KLHL13: variants seen among roughly 807,000 people sequenced by gnomAD.
The protein encoded by KLHL13 is kelch like family member 13, also known as kelch-like protein 13.
In KLHL13, 10 loss-of-function variants were observed where a neutral mutation model predicts 37.1. The observed-to-expected ratio is 0.27, with a 90% CI of 0.17 to 0.46. The LOEUF is 0.46. KLHL13 is among the 20% of genes least tolerant of loss of function. KLHL13 has a pLI of 1.00. For missense variants in KLHL13, 360 were observed against 509.3 expected, an observed-to-expected ratio of 0.71 and a Z score of 2.82; for synonymous variants, 163 against 181.2, an observed-to-expected ratio of 0.90 and a Z score of 0.81.
intron 2 of KLHL13, among the ~76,000 whole-genome samples, chrX:117,933,139 A>G (rs1932551159): frequency 9.0e-6 from 1 of 111,005 alleles, no homozygotes; most frequent in African/African-American, 3.3e-5. Flanking sequence ...ATAGTTTGCA[A>G]GTACTTTCTC....
intron 1 of KLHL13, among the ~76,000 whole-genome samples, chrX:117,984,243 C>T (rs141103375): frequency 0.061 from 6,767 of 111,180 alleles, 497 homozygotes; most frequent in African/African-American, 0.21. Flanking sequence ...AAATAGAGAC[C>T]ACTACAGAAG....
chrX:117,938,637 A>C (rs1277782112), intron 2 of KLHL13, among the ~76,000 whole-genome samples: 1 of 111,965 alleles, frequency 8.9e-6, no homozygotes, highest in Non-Finnish European at 1.9e-5. Flanking sequence ...AATTTTAAAA[A>C]TTAGCAGGAC....
At chrX:118,070,732 T>C (rs2054850469) in intron 1 of KLHL13, among the ~76,000 whole-genome samples, 1 of 105,719 alleles carries the variant, frequency 9.5e-6, no homozygotes, top group African/African-American at 3.7e-5. Flanking sequence ...TTCTTTTTTT[T>C]AATTTTTAAA....
At chrX:117,950,544 A>G (rs767131565) in intron 1 of KLHL13, among the ~76,000 whole-genome samples, 3 of 112,247 alleles carry the variant, frequency 2.7e-5, no homozygotes, top group African/African-American at 9.7e-5. Flanking sequence ...AGTTCCCCAG[A>G]TTAATAATAT....
At chrX:118,110,086 A>C (rs143475343) in intron 1 of KLHL13, among the ~76,000 whole-genome samples, 3,189 of 111,576 alleles carry the variant, frequency 0.029, 112 homozygotes, top group African/African-American at 0.097. Context: ...TTTAGTTAGA[A>C]AGGAAAAGGC....
At chrX:117,993,409 C>T (rs1331807659) in intron 1 of KLHL13, among the ~76,000 whole-genome samples, 1 of 111,990 alleles carries the variant, frequency 8.9e-6, no homozygotes, top group Non-Finnish European at 1.9e-5. Flanking sequence ...AAATGCTTAC[C>T]ACATTTAATC....
At chrX:117,988,224 G>C (rs748503668) in intron 1 of KLHL13, among the ~76,000 whole-genome samples, 1 of 112,047 alleles carries the variant, frequency 8.9e-6, no homozygotes, top group Non-Finnish European at 1.9e-5. Context: ...AAGGCAGAAA[G>C]GGAGGAGGGG....
rs748752208 is a variant in KLHL13, at chrX:117,962,982, C to T, written c.98+9749G>A. ...TAATAGAGGAAAATAAATTGTATTA[C>T]ATTTAACTATGCTAAACTAGGACAT... is the stretch of plus-strand genomic sequence containing the variant. On this transcript the variant is annotated intron_variant, in intron 1 of 6. Coordinates refer to ENST00000262820, the Ensembl canonical transcript of KLHL13. Among the ~76,000 whole-genome samples the T allele has an allele frequency of 5.9e-4, 66 of 112,166 alleles. No homozygotes were observed. In the Admixed American group the frequency reaches 6.1e-3, roughly 10 times the overall value.
chrX:118,036,200 A>T (rs1273480932), intron 1 of KLHL13, among the ~76,000 whole-genome samples: 2 of 106,474 alleles, frequency 1.9e-5, no homozygotes, highest in African/African-American at 7.0e-5. Flanking sequence ...TGCCATCCCC[A>T]TCAAGCTACC....
At chrX:118,025,312 A>G (rs1199792329) in intron 1 of KLHL13, among the ~76,000 whole-genome samples, 3 of 111,901 alleles carry the variant, frequency 2.7e-5, no homozygotes, top group Admixed American at 1.9e-4. Flanking sequence ...TATCAAATAG[A>G]AAACTCCAGG....
At chrX:118,031,150 G>T (rs2054334179) in intron 1 of KLHL13, among the ~76,000 whole-genome samples, 1 of 110,434 alleles carries the variant, frequency 9.1e-6, no homozygotes, top group African/African-American at 3.3e-5. Flanking sequence ...GTACCTCCAA[G>T]TCTTAAAATA....
intron 2 of KLHL13, among the ~76,000 whole-genome samples, chrX:117,921,723 T>C (rs1055832630): frequency 8.9e-6 from 1 of 112,416 alleles, no homozygotes; most frequent in East Asian, 2.8e-4. Context: ...AAAATATTGA[T>C]CCTACACATA....
Position 117,923,124 on chromosome X carries a change from A to G in KLHL13, c.241-2754T>C, listed in dbSNP as rs139743224. 9.2e-3 allele frequency among the ~76,000 whole-genome samples: 1,031 copies of G among 112,050 alleles called. 17 individuals are homozygous for G. Among genetic ancestry groups the G allele is most frequent in the African/African-American group, 0.031 (956 of 30,859 alleles). On this transcript the variant is annotated intron_variant, in intron 2 of 6. Coordinates refer to ENST00000262820, the Ensembl canonical transcript of KLHL13. ...TCCATTCCCGCTTAGTTGAACACTC[A>G]GGTTTTCCCTCAAATTCTGCAGTTA...
intron 1 of KLHL13, among the ~76,000 whole-genome samples, chrX:118,089,980 C>T (rs760358450): frequency 9.4e-6 from 1 of 106,569 alleles, no homozygotes; most frequent in South Asian, 4.5e-4. Flanking sequence ...ACTCAAGAGG[C>T]TGAGGCAGAA....
intron 1 of KLHL13, among the ~76,000 whole-genome samples, chrX:117,954,061 G>A (rs752831359): frequency 4.5e-5 from 5 of 111,400 alleles, no homozygotes; most frequent in South Asian, 7.6e-4. Flanking sequence ...ACACTATGAC[G>A]TAGATAAGGG....
At chrX:117,908,749 G>C (rs1182499928) in intron 5 of KLHL13, among the ~76,000 whole-genome samples, 18 of 111,793 alleles carry the variant, frequency 1.6e-4, no homozygotes, top group Admixed American at 5.7e-4. Flanking sequence ...TACGTCAACA[G>C]AATTATTTTT....
intron 1 of KLHL13, among the ~76,000 whole-genome samples, chrX:118,091,693 A>C (rs2055137592): frequency 9.0e-6 from 1 of 111,266 alleles, no homozygotes; most frequent in African/African-American, 3.3e-5. Flanking sequence ...AGAGATAAGA[A>C]GGAGAGAGAA....
intron 1 of KLHL13, among the ~76,000 whole-genome samples, chrX:118,089,588 A>AAGAG (rs199722513): frequency 0.014 from 1,109 of 80,131 alleles, 35 homozygotes; most frequent in African/African-American, 0.048. Context: ...AAGAAAAGAA[A>AAGAG]AGAGAGAGAG....
intron 1 of KLHL13, chrX:117,946,423 A>G: frequency 8.9e-6 from 1 of 112,329 alleles, no homozygotes; most frequent in Non-Finnish European, 1.9e-5. Context: ...ATGCAAAGAG[A>G]ATATGACAAT....
Sources: gnomAD v4.1 joint callset for allele counts (sites outside exome capture counted in the v4.1 genomes callset) on GRCh38, gnomAD v4.1.1 for gene constraint, MANE v1.5 for transcripts, NCBI Gene and HGNC (gene_info 2026-07-23, HGNC 2026-07-21) for gene names.